The following IKZF1 variants were observed in gnomAD, a reference collection of about 807,000 sequenced individuals.
IKZF1 encodes the protein IKAROS family zinc finger 1.
In IKZF1, 10 loss-of-function variants were observed where a neutral mutation model predicts 51.7. That is an observed-to-expected ratio of 0.19 (90% CI 0.12 to 0.33). The LOEUF (loss-of-function observed/expected upper bound fraction) is 0.33. Among genes scored for constraint, IKZF1 ranks in the 10% least tolerant of loss-of-function variants. The pLI is 1.00. For synonymous variants in IKZF1, 280 were observed against 282.3 expected (o/e 0.99, Z 0.08); for missense variants, 484 against 707.5 (o/e 0.68, Z 3.58).
chr7:50,321,215 C>A (rs563764681), intron 2 of IKZF1, among the ~76,000 whole-genome samples: 13 of 152,298 alleles, frequency 8.5e-5, no homozygotes, highest in African/African-American at 3.1e-4. Context: ...TGCTTTTCAT[C>A]TTCTACCTTT....
At chr7:50,308,588 A>AT (rs1789374570) in intron 1 of IKZF1, 1 of 152,178 alleles carries the variant, frequency 6.6e-6, no homozygotes, top group African/African-American at 2.4e-5. Flanking sequence ...CGTCCACATA[A>AT]TTTCTGAACT....
rs942157498 is a variant in IKZF1 at position 50,325,200 on chromosome 7, A to G, written c.41-2438A>G. On this transcript the variant is annotated intron_variant, in intron 2 of 7. Transcript: ENST00000331340. ...GCTCCCTGCTTTATGTAGGAGACCTATGTGTATATTACAGTTCTGTGTAAG... is the reference window on the plus strand; with the variant it reads ...GCTCCCTGCTTTATGTAGGAGACCTGTGTGTATATTACAGTTCTGTGTAAG... Among the ~76,000 whole-genome samples the G allele has an allele frequency of 6.0e-5, 9 of 151,140 alleles. No individual in the cohort carries two copies. The South Asian group carries it at 1.7e-3, about 28-fold the overall frequency.
At chr7:50,329,710 G>A (rs1796010647) in intron 3 of IKZF1, among the ~76,000 whole-genome samples, 1 of 152,172 alleles carries the variant, frequency 6.6e-6, no homozygotes, top group South Asian at 2.1e-4. Context: ...GCAAACAGAT[G>A]CTCACACCCT....
chr7:50,310,898 C>T (rs2153338427), intron 1 of IKZF1, among the ~76,000 whole-genome samples: 1 of 152,282 alleles, frequency 6.6e-6, no homozygotes, highest in East Asian at 1.9e-4. Flanking sequence ...TCAGTGGAAC[C>T]CCTCGAAGGT....
In IKZF1 at chr7:50,389,906, G is replaced by A. The variant is rs554743097; in HGVS notation, c.716-1823G>A. Among the ~76,000 whole-genome samples, 11 of 152,280 alleles carry A rather than the reference G, an allele frequency of 7.2e-5. No individual in the cohort carries two copies. In the South Asian group the frequency reaches 1.7e-3, roughly 23 times the overall value. Reference sequence around the variant, plus strand: ...CTGTGCTCAGATGGATGAGCAAGTAGTCTCTTCTCCCACCCCAAAAACCTC... The same window carrying A: ...CTGTGCTCAGATGGATGAGCAAGTAATCTCTTCTCCCACCCCAAAAACCTC... On this transcript the variant is annotated intron_variant, in intron 6 of 7. Transcript: ENST00000331340.
At chr7:50,356,933 C>A (rs10274403) in intron 3 of IKZF1, among the ~76,000 whole-genome samples, 1 of 151,098 alleles carries the variant, frequency 6.6e-6, no homozygotes, top group African/African-American at 2.4e-5. Context: ...CCCGACTGTC[C>A]GGTCTTCTGG....
chr7:50,332,190 A>C (rs1796572568), intron 3 of IKZF1, among the ~76,000 whole-genome samples: 1 of 152,180 alleles, frequency 6.6e-6, no homozygotes, highest in African/African-American at 2.4e-5. Context: ...TTTTTTGTTT[A>C]GGAATTATGT....
intron 3 of IKZF1, among the ~76,000 whole-genome samples, chr7:50,334,782 A>G: frequency 6.9e-6 from 1 of 145,422 alleles, no homozygotes; most frequent in South Asian, 2.2e-4. Flanking sequence ...TGTTCATGTG[A>G]TGTGTATATG....
At chr7:50,373,821 A>C (rs1248113874) in intron 3 of IKZF1, among the ~76,000 whole-genome samples, 1 of 152,180 alleles carries the variant, frequency 6.6e-6, no homozygotes, top group Non-Finnish European at 1.5e-5. Flanking sequence ...CAGAGAACTC[A>C]ATGGTCATTA....
intron 3 of IKZF1, among the ~76,000 whole-genome samples, chr7:50,350,508 CTT>C (rs552022869): frequency 3.7e-4 from 57 of 152,284 alleles, no homozygotes; most frequent in African/African-American, 1.3e-3. Context: ...CTGCAGGTGA[CTT>C]TGCAGCTGGG....
chr7:50,340,936 T>G (rs1798919395), intron 3 of IKZF1, among the ~76,000 whole-genome samples: 2 of 152,240 alleles, frequency 1.3e-5, no homozygotes, highest in African/African-American at 4.8e-5. Flanking sequence ...TAAAGCATTA[T>G]TGCTACTTAT....
chr7:50,346,996 T>C (rs1187031610), intron 3 of IKZF1, among the ~76,000 whole-genome samples: 1 of 152,210 alleles, frequency 6.6e-6, no homozygotes. Flanking sequence ...AGTCAGTTTC[T>C]CAGGAACAGC....
chr7:50,303,936 C>G (rs1347510430), upstream of IKZF1: 1 of 144,878 alleles, frequency 6.9e-6, no homozygotes, highest in Admixed American at 6.8e-5. This position sits in a 1 kb window ranked among gnomAD's most constrained non-coding sequence, Gnocchi z 4.7. Context: ...GGCTGCCCGG[C>G]CCGCGGACAC....
chr7:50,319,027 A>G (rs1792363048), intron 1 of IKZF1, 21 bp from the exon 2 acceptor site: 1 of 1,571,896 alleles, frequency 6.4e-7, no homozygotes, highest in Admixed American at 1.7e-5. Flanking sequence ...TTAAACTAAA[A>G]TCCCTTCCTC....
intron 3 of IKZF1, among the ~76,000 whole-genome samples, chr7:50,333,869 C>T (rs1796965189): frequency 2.0e-5 from 3 of 152,130 alleles, no homozygotes; most frequent in Admixed American, 6.5e-5. Context: ...TGGAATGCCT[C>T]GTGAAGACAG....
intron 3 of IKZF1, among the ~76,000 whole-genome samples, chr7:50,343,129 CCTTT>C (rs1584620750): frequency 1.4e-5 from 2 of 137,986 alleles, no homozygotes; most frequent in African/African-American, 6.1e-5. Context: ...TCCCTCCCTC[CCTTT>C]CTTTCTTCCT....
At chr7:50,386,717 T>C (rs935807258) in intron 5 of IKZF1, among the ~76,000 whole-genome samples, 3 of 152,122 alleles carry the variant, frequency 2.0e-5, no homozygotes, top group Non-Finnish European at 4.4e-5. Context: ...TACATATGCA[T>C]GGAAATACAA....
chr7:50,325,574 C>T (rs757862223), intron 2 of IKZF1, among the ~76,000 whole-genome samples: 9 of 152,092 alleles, frequency 5.9e-5, no homozygotes, highest in Non-Finnish European at 8.8e-5. Flanking sequence ...GAGATCGAGA[C>T]CATCTTGGCT....
intron 2 of IKZF1, among the ~76,000 whole-genome samples, chr7:50,324,875 C>T (rs1794455343): frequency 6.6e-6 from 1 of 152,062 alleles, no homozygotes. Flanking sequence ...TCACTTGGTT[C>T]CAGGGCCCCA....
Sources: gnomAD v4.1 joint callset for allele counts (sites outside exome capture counted in the v4.1 genomes callset) on GRCh38, gnomAD v4.1.1 for gene constraint, Gnocchi (gnomAD v3.1) non-coding constraint, MANE v1.5 for transcripts, NCBI Gene and HGNC (gene_info 2026-07-23, HGNC 2026-07-21) for gene names.